The following CTIF variants were observed in gnomAD, a reference collection of about 807,000 sequenced individuals.
CTIF encodes CBP80/20-dependent translation initiation factor.
CTIF carries 21 observed loss-of-function variants against 66.0 expected under a neutral mutation model. The ratio of observed to expected loss-of-function variants is 0.32; its 90% CI spans 0.23 to 0.46. CTIF has a LOEUF of 0.46. CTIF is among the 20% of genes least tolerant of loss of function. The pLI, the probability that CTIF is intolerant of heterozygous loss-of-function variation, is 1.00. For synonymous variants in CTIF, 345 were observed against 326.4 expected, an observed-to-expected ratio of 1.06 and a Z score of -0.62; for missense variants, 739 against 812.7, an observed-to-expected ratio of 0.91 and a Z score of 1.10.
intron 6 of CTIF, among the ~76,000 whole-genome samples, chr18:48,701,483 A>G (rs1007203628): frequency 1.3e-4 from 19 of 152,000 alleles, no homozygotes; most frequent in African/African-American, 4.6e-4. Context: ...TTTTGGTCCC[A>G]TTTGGTCTTC....
At chr18:48,795,000 A>G (rs948358095) in intron 9 of CTIF, among the ~76,000 whole-genome samples, 3 of 152,110 alleles carry the variant, frequency 2.0e-5, no homozygotes, top group East Asian at 1.9e-4. Flanking sequence ...AGCTGGCGAG[A>G]GTCCTGTGTG....
chr18:48,686,799 T>A (rs1050972100), intron 6 of CTIF, among the ~76,000 whole-genome samples: 1 of 152,182 alleles, frequency 6.6e-6, no homozygotes, highest in Admixed American at 6.5e-5. Flanking sequence ...CCTCGGAGAT[T>A]TGCAGCCTCC....
intron 3 of CTIF, among the ~76,000 whole-genome samples, chr18:48,657,313 G>A (rs2091261147): frequency 6.6e-6 from 1 of 152,200 alleles, no homozygotes; most frequent in Non-Finnish European, 1.5e-5. Flanking sequence ...TTTTAATAAT[G>A]TATTAGCAGT....
At chr18:48,604,168 GT>G (rs34544217) in intron 1 of CTIF, among the ~76,000 whole-genome samples, 1,130 of 63,178 alleles carry the variant, frequency 0.018, 2 homozygotes, top group African/African-American at 0.077. Flanking sequence ...TTTTTTAAGG[GT>G]TTTTTTTTTT....
intron 3 of CTIF, 103 bp downstream of exon 3, chr18:48,636,788 A>G: frequency 1.2e-6 from 1 of 806,734 alleles, no homozygotes; most frequent in Non-Finnish European, 1.8e-6. Flanking sequence ...TGACATGGAG[A>G]GTGCAGAGAG....
intron 7 of CTIF, among the ~76,000 whole-genome samples, chr18:48,751,372 G>A (rs1267151623): frequency 5.3e-5 from 8 of 152,218 alleles, no homozygotes; most frequent in South Asian, 4.2e-4. Context: ...CCTTTCCTTC[G>A]TGATTCTTGT....
chr18:48,739,607 T>C (rs1273825057), intron 7 of CTIF, among the ~76,000 whole-genome samples: 2 of 152,212 alleles, frequency 1.3e-5, no homozygotes, highest in African/African-American at 2.4e-5. Flanking sequence ...CAGTGGAGAC[T>C]GAGTGAGCCT....
intron 9 of CTIF, among the ~76,000 whole-genome samples, chr18:48,782,516 G>C (rs769643147): frequency 6.6e-6 from 1 of 152,194 alleles, no homozygotes; most frequent in African/African-American, 2.4e-5. Flanking sequence ...GACTGTGAGC[G>C]GGAGAGAAGC....
Position 48,619,565 on chromosome 18 carries a change from G to C in CTIF, c.-1G>C, listed in dbSNP as rs1431969997. Reference sequence around the variant, plus strand: ...CCGGCCCAGGCCCCTGAGCTGGAGGGATGGAAAACTCCTCTGCAGCATCAG... The same window carrying C: ...CCGGCCCAGGCCCCTGAGCTGGAGGCATGGAAAACTCCTCTGCAGCATCAG... On this transcript the variant is annotated 5_prime_UTR_variant, in exon 2 of 12. Transcript: ENST00000256413. 1 of 1,550,014 alleles carries C rather than the reference G, an allele frequency of 6.5e-7. No individual in the cohort carries two copies.
chr18:48,750,667 G>A (rs1007017476), intron 7 of CTIF, among the ~76,000 whole-genome samples: 3 of 152,150 alleles, frequency 2.0e-5, no homozygotes, highest in Non-Finnish European at 2.9e-5. Flanking sequence ...CTGGCTGGCC[G>A]GATCTCCAAC....
intron 1 of CTIF, among the ~76,000 whole-genome samples, chr18:48,585,605 C>T (rs925465531): frequency 6.6e-5 from 10 of 152,334 alleles, no homozygotes; most frequent in East Asian, 1.9e-4. Context: ...GCAGGTGGCG[C>T]ATCCTCCAAA....
chr18:48,852,021 CAGG>C (rs2069213532), intron 10 of CTIF, among the ~76,000 whole-genome samples: 1 of 152,000 alleles, frequency 6.6e-6, no homozygotes, highest in Non-Finnish European at 1.5e-5. Context: ...CACTTGAGCT[CAGG>C]AGTTCAAAAC....
intron 9 of CTIF, among the ~76,000 whole-genome samples, chr18:48,779,551 G>T (rs555671696): frequency 6.6e-6 from 1 of 152,348 alleles, no homozygotes; most frequent in Non-Finnish European, 1.5e-5. Context: ...TGCCATTTAG[G>T]TGGCCATGCT....
intron 6 of CTIF, among the ~76,000 whole-genome samples, chr18:48,671,168 G>T (rs914442767): frequency 6.6e-6 from 1 of 152,226 alleles, no homozygotes; most frequent in Non-Finnish European, 1.5e-5. Context: ...GACTTGCCCT[G>T]CTGGCCTCCA....
chr18:48,637,694 G>A (rs910656584), intron 3 of CTIF, among the ~76,000 whole-genome samples: 2 of 152,182 alleles, frequency 1.3e-5, no homozygotes, highest in South Asian at 2.1e-4. Context: ...GCTGTAGGGC[G>A]TGGCTGCCCC....
chr18:48,615,831 C>A (rs2090389510), intron 1 of CTIF, among the ~76,000 whole-genome samples: 1 of 151,968 alleles, frequency 6.6e-6, no homozygotes. Flanking sequence ...TCTGGCTGGG[C>A]AGCAAACACT....
At chr18:48,829,126 G>A (rs1452148212) in intron 10 of CTIF, among the ~76,000 whole-genome samples, 1 of 152,202 alleles carries the variant, frequency 6.6e-6, no homozygotes, top group Admixed American at 6.5e-5. Context: ...GGACGGGACT[G>A]GGGAGGATAG....
In CTIF at chr18:48,761,701, C is replaced by A. The variant is rs774813031; in HGVS notation, c.1371+12C>A. 1 of 1,599,114 alleles carries A rather than the reference C, an allele frequency of 6.3e-7. No homozygotes were observed. On this transcript the variant is annotated intron_variant, in intron 9 of 11. Transcript: ENST00000256413. This position sits in a 1 kb window ranked among gnomAD's most constrained non-coding sequence, Gnocchi z 4.2. ...TCAACATGCTGCAGGTAACTGGACGCCGGCCACCACCGCCCCGCGCCCCCT... is the reference window on the plus strand; with the variant it reads ...TCAACATGCTGCAGGTAACTGGACGACGGCCACCACCGCCCCGCGCCCCCT...
intron 7 of CTIF, among the ~76,000 whole-genome samples, chr18:48,739,236 AG>A (rs1276589447): frequency 6.6e-6 from 1 of 152,184 alleles, no homozygotes; most frequent in Non-Finnish European, 1.5e-5. Flanking sequence ...GACAGAGCAG[AG>A]GGAGTTGTGG....
Sources: gnomAD v4.1 joint callset for allele counts (sites outside exome capture counted in the v4.1 genomes callset) on GRCh38, gnomAD v4.1.1 for gene constraint, Gnocchi (gnomAD v3.1) non-coding constraint, MANE v1.5 for transcripts, NCBI Gene and HGNC (gene_info 2026-07-23, HGNC 2026-07-21) for gene names.